The following CDC14C variants were observed in gnomAD, a reference collection of about 807,000 sequenced individuals.
The protein encoded by CDC14C is cell division cycle 14C, also known as dual specificity protein phosphatase CDC14C.
Under a neutral mutation model 26.9 loss-of-function variants are expected in CDC14C, and 19 were observed. That is an observed-to-expected ratio of 0.71 (90% confidence interval 0.49 to 1.04). The LOEUF (loss-of-function observed/expected upper bound fraction) is 1.04. Ranked by LOEUF, CDC14C falls within the 50% of genes least tolerant of loss-of-function variation. The pLI is 0.00. For synonymous variants in CDC14C, 185 were observed against 180.1 expected, an observed-to-expected ratio of 1.03 and a Z score of -0.22; for missense variants, 423 against 520.0, an observed-to-expected ratio of 0.81 and a Z score of 1.81.
chr7:48,925,773 T>C lies in CDC14C; in HGVS notation c.1101T>C (p.Val367=), dbSNP rs1328798436. 2.1e-6 allele frequency: 2 copies of C among 957,642 alleles called. No individual in the cohort carries two copies. The highest frequency in any genetic ancestry group is 1.7e-5 in the Admixed American group (1 of 59,204). The allele number at this position is 957,642 out of a possible 1,614,324, so 59.3% of individuals were successfully genotyped here. Residue 367 remains valine (V), a synonymous_variant, in exon 1 of 1, where the codon GTT becomes GTC. Transcript: ENST00000650262. ...RAAFSKLLSG[V]DDISINGVEN... ...CCTTCTCCAAACTTCTCTCTGGTGT[T>C]GATGACATTTCCATAAATGGGGTCG...
rs752467234 is a variant in CDC14C, at chr7:48,925,065, C to G, written c.393C>G (p.Pro131=). Residue 131 remains proline, a synonymous_variant, in exon 1 of 1, where the codon CCC becomes CCG. Transcript: ENST00000650262. The part of the protein sequence containing the change: ...AYRILIFGDT[P]YIPFRDAAYG... ...GAATATTAATCTTTGGAGATACACC[C>G]TATATTCCTTTCAGAGATGCTGCCT... 3.3e-6 allele frequency: 5 copies of G among 1,506,602 alleles called. No homozygotes were observed. In the African/African-American group the frequency reaches 6.9e-5, roughly 21 times the overall value. 93.3% of individuals were successfully genotyped at this position (1,506,602 alleles called of 1,614,324 possible).
In CDC14C at chr7:48,925,194, A is replaced by G; in HGVS notation, c.522A>G (p.Glu174=). ...FLNFNSFNLD[E]YEHYEKAENG... ...ATTTCAACTCATTTAACCTTGATGA[A>G]TATGAACACTATGAAAAAGCAGAAA... is the stretch of plus-strand genomic sequence containing the variant. The change falls in exon 1 of 1, where the codon GAA becomes GAG. Residue 174 remains glutamate, a synonymous_variant. Coordinates refer to ENST00000650262, the MANE Select transcript of CDC14C (RefSeq NM_152627.3). 6.4e-7 allele frequency: 1 copy of G among 1,552,110 alleles called. No homozygotes were observed. The highest frequency in any genetic ancestry group is 8.9e-7 in the Non-Finnish European group (1 of 1,123,518).
In CDC14C at chr7:48,925,148, C is replaced by A. The variant is rs924517349; in HGVS notation, c.476C>A (p.Ala159Glu). 14 of 1,532,348 alleles carry A rather than the reference C, an allele frequency of 9.1e-6. No individual in the cohort carries two copies. Among genetic ancestry groups the A allele is most frequent in the Non-Finnish European group, 1.2e-5 (13 of 1,105,740 alleles). 94.9% of individuals were successfully genotyped at this position (1,532,348 alleles called of 1,614,324 possible). A position where few individuals can be genotyped will look rare whatever the true frequency, so the allele number is the denominator to read the frequency against. ...LLDCFHAVKKAMQYGFLNFNS... is the reference protein window; with the variant it reads ...LLDCFHAVKKEMQYGFLNFNS... ...GACTGTTTTCATGCAGTAAAGAAGG[C>A]AATGCAGTATGGCTTCCTTAATTTC... The change falls in exon 1 of 1, where the codon GCA becomes GAA. Residue 159 changes from alanine to glutamate, a missense_variant. By Grantham distance (107) the Ala-to-Glu change is moderately radical (BLOSUM62 -1). This residue lies in a region of CDC14C where 310 missense variants were observed against 356.8 expected (regional missense o/e 0.87). Coordinates refer to ENST00000650262, the MANE Select transcript of CDC14C (RefSeq NM_152627.3).
At position 48,924,724 on chromosome 7, in the gene CDC14C, G is replaced by C; in HGVS notation, c.52G>C (p.Val18Leu). The C allele has an allele frequency of 7.3e-7, 1 of 1,362,274 alleles. No individual in the cohort carries two copies. The highest frequency in any genetic ancestry group is 1.2e-5 in the South Asian group (1 of 86,002). The allele number at this position is 1,362,274 out of a possible 1,614,324, so 84.4% of individuals were successfully genotyped here. Residue 18 changes from valine (V) to leucine (L), a missense_variant, in exon 1 of 1, where the codon GTG becomes CTG. By Grantham distance (32) the Val-to-Leu change is conservative. Coordinates refer to ENST00000650262, the MANE Select transcript of CDC14C (RefSeq NM_152627.3). The stretch of plus-strand genomic sequence containing the variant: ...GCGCCGCCGGGACCCCCAGGACGAC[G>C]TGTACGTGGACATCACCGATCGCCT... ...DPRRRDPQDD[V>L]YVDITDRLRF...
rs922186971 is a variant in CDC14C at position 48,924,605 on chromosome 7, G to C, written c.-68G>C. 2 of 872,842 alleles carry C rather than the reference G, an allele frequency of 2.3e-6. No individual in the cohort carries two copies. Among genetic ancestry groups the C allele is most frequent in the Non-Finnish European group, 3.5e-6 (2 of 567,504 alleles). 54.1% of individuals were successfully genotyped at this position (872,842 alleles called of 1,614,324 possible). ...TCCAGGAAGCGGAAAAGCAAGGGGCGGTCGAGCTGGGCCGCCGCGCCCCAC... is the reference window on the plus strand; with the variant it reads ...TCCAGGAAGCGGAAAAGCAAGGGGCCGTCGAGCTGGGCCGCCGCGCCCCAC... On this transcript the variant is annotated 5_prime_UTR_variant, in exon 1 of 1. Coordinates refer to ENST00000650262, the MANE Select transcript of CDC14C (RefSeq NM_152627.3).
At position 48,925,155 on chromosome 7, in the gene CDC14C, G is replaced by C; in HGVS notation, c.483G>C (p.Gln161His). 6.6e-7 allele frequency: 1 copy of C among 1,520,718 alleles called. No homozygotes were observed. Among genetic ancestry groups the C allele is most frequent in the South Asian group, 1.1e-5 (1 of 88,910 alleles). 94.2% of individuals were successfully genotyped at this position (1,520,718 alleles called of 1,614,324 possible). A position where few individuals can be genotyped will look rare whatever the true frequency, so the allele number is the denominator to read the frequency against. Residue 161 changes from glutamine (Q) to histidine (H), a missense_variant, in exon 1 of 1, where the codon CAG becomes CAC. By Grantham distance (24) the Gln-to-His change is conservative. This residue lies in a region of CDC14C where 310 missense variants were observed against 356.8 expected (regional missense o/e 0.87). Coordinates refer to ENST00000650262, the MANE Select transcript of CDC14C (RefSeq NM_152627.3). The stretch of plus-strand genomic sequence containing the variant: ...TTCATGCAGTAAAGAAGGCAATGCA[G>C]TATGGCTTCCTTAATTTCAACTCAT... ...DCFHAVKKAM[Q>H]YGFLNFNSFN...
rs748932085 is a variant in CDC14C, at chr7:48,924,766, T to C, written c.94T>C (p.Tyr32His). ...CGATCGCCTTCGTTTTGCCATTCTC[T>C]ACAGCAGACCAAAGAGTGCATCAAA... ...ITDRLRFAIL[Y>H]SRPKSASNVH... Residue 32 changes from tyrosine to histidine, a missense_variant, in exon 1 of 1, where the codon TAC (tyrosine) becomes CAC (histidine). Physicochemically the swap from Tyr to His is moderately conservative, Grantham distance 83. Coordinates refer to ENST00000650262, the MANE Select transcript of CDC14C (RefSeq NM_152627.3). 4.2e-6 allele frequency: 6 copies of C among 1,435,274 alleles called. No homozygotes were observed. Among genetic ancestry groups the C allele is most frequent in the Admixed American group, 3.3e-5 (2 of 59,768 alleles). 88.9% of individuals were successfully genotyped at this position (1,435,274 alleles called of 1,614,324 possible).
In CDC14C at chr7:48,925,175, A is replaced by G; in HGVS notation, c.503A>G (p.Asn168Ser). 2 of 1,532,052 alleles carry G rather than the reference A, an allele frequency of 1.3e-6. No individual in the cohort carries two copies. The highest frequency in any genetic ancestry group is 9.0e-7 in the Non-Finnish European group (1 of 1,105,354). The allele number at this position is 1,532,052 out of a possible 1,614,324, so 94.9% of individuals were successfully genotyped here. ...KAMQYGFLNFNSFNLDEYEHY... is the reference protein window; with the variant it reads ...KAMQYGFLNFSSFNLDEYEHY... The stretch of plus-strand genomic sequence containing the variant: ...ATGCAGTATGGCTTCCTTAATTTCA[A>G]CTCATTTAACCTTGATGAATATGAA... The change falls in exon 1 of 1, where the codon AAC (asparagine) becomes AGC (serine). Residue 168 changes from asparagine to serine, a missense_variant. Asn to Ser is a conservative substitution (Grantham distance 46). Coordinates refer to ENST00000650262, the MANE Select transcript of CDC14C (RefSeq NM_152627.3).
rs757586733 is a variant in CDC14C, at chr7:48,925,697, A to G, written c.1025A>G (p.Asp342Gly). Residue 342 changes from aspartate (D) to glycine (G), a missense_variant, in exon 1 of 1, where the codon GAC becomes GGC. Transcript: ENST00000650262. ...MKQTSLWLEG[D>G]YFRQRLKGQE... Reference sequence around the variant, plus strand: ...CAAACAAGCCTCTGGCTGGAAGGGGACTATTTTCGTCAGAGGTTAAAGGGG... The same window carrying G: ...CAAACAAGCCTCTGGCTGGAAGGGGGCTATTTTCGTCAGAGGTTAAAGGGG... 2 of 1,293,004 alleles carry G rather than the reference A, an allele frequency of 1.5e-6. No homozygotes were observed. Among genetic ancestry groups the G allele is most frequent in the East Asian group, 2.3e-5 (1 of 43,344 alleles). 80.1% of individuals were successfully genotyped at this position (1,293,004 alleles called of 1,614,324 possible). A position where few individuals can be genotyped will look rare whatever the true frequency, so the allele number is the denominator to read the frequency against.
rs1002828872 is a variant in CDC14C at position 48,924,571 on chromosome 7, G to C, written c.-102G>C. On this transcript the variant is annotated 5_prime_UTR_variant, in exon 1 of 1. Transcript: ENST00000650262. ...CGTGGTCGTTGCTCCCTGACTGGCCGCGGCGGCCTCCAGGAAGCGGAAAAG... is the reference window on the plus strand; with the variant it reads ...CGTGGTCGTTGCTCCCTGACTGGCCCCGGCGGCCTCCAGGAAGCGGAAAAG... 2.7e-6 allele frequency: 2 copies of C among 741,480 alleles called. No individual in the cohort carries two copies. Among genetic ancestry groups the C allele is most frequent in the East Asian group, 2.7e-5 (1 of 37,358 alleles). 45.9% of individuals were successfully genotyped at this position (741,480 alleles called of 1,614,324 possible). A position where few individuals can be genotyped will look rare whatever the true frequency, so the allele number is the denominator to read the frequency against.
Position 48,926,791 on chromosome 7 carries a change from T to C in CDC14C, c.*775T>C, listed in dbSNP as rs1448145105. Among the ~76,000 whole-genome samples, 1 of 146,056 alleles carries C rather than the reference T, an allele frequency of 6.8e-6. No individual in the cohort carries two copies. Among genetic ancestry groups the C allele is most frequent in the Non-Finnish European group, 1.5e-5 (1 of 66,410 alleles). On this transcript the variant is annotated 3_prime_UTR_variant, in exon 1 of 1. Transcript: ENST00000650262. ...TTTGGGGCCAGTTTATGGCTGGATT[T>C]TGGGGGGCTTGCTCCCAAAAAGAAT...
Position 48,925,757 on chromosome 7 carries a change from A to C in CDC14C, c.1085A>C (p.Lys362Thr), listed in dbSNP as rs764084626. Residue 362 changes from lysine (K) to threonine (T), a missense_variant, in exon 1 of 1, where the codon AAA becomes ACA. Coordinates refer to ENST00000650262, the MANE Select transcript of CDC14C (RefSeq NM_152627.3). ...GGACAACACAGAGCAGCCTTCTCCA[A>C]ACTTCTCTCTGGTGTTGATGACATT... Reference protein sequence around the residue: ...ENGQHRAAFSKLLSGVDDISI... With the variant: ...ENGQHRAAFSTLLSGVDDISI... 1.1e-5 allele frequency: 11 copies of C among 1,024,610 alleles called. No individual in the cohort carries two copies. The African/African-American group carries it at 1.3e-4, about 12-fold the overall frequency. 63.5% of individuals were successfully genotyped at this position (1,024,610 alleles called of 1,614,324 possible). A position where few individuals can be genotyped will look rare whatever the true frequency, so the allele number is the denominator to read the frequency against.
Position 48,925,023 on chromosome 7 carries a change from C to A in CDC14C, c.351C>A (p.Thr117=), listed in dbSNP as rs746272818. 1 of 1,397,136 alleles carries A rather than the reference C, an allele frequency of 7.2e-7. No individual in the cohort carries two copies. The highest frequency in any genetic ancestry group is 1.2e-5 in the South Asian group (1 of 86,506). 86.5% of individuals were successfully genotyped at this position (1,397,136 alleles called of 1,614,324 possible). ...GCYMVIYLGR[T]PEAAYRILIF... The stretch of plus-strand genomic sequence containing the variant: ...ACATGGTTATATACTTGGGGAGAAC[C>A]CCAGAAGCAGCATATAGAATATTAA... The change falls in exon 1 of 1, where the codon ACC becomes ACA. Residue 117 remains threonine (T), a synonymous_variant. Coordinates refer to ENST00000650262, the MANE Select transcript of CDC14C (RefSeq NM_152627.3).
Position 48,925,232 on chromosome 7 carries a change from A to C in CDC14C, c.560A>C (p.Asn187Thr). The C allele has an allele frequency of 6.2e-7, 1 of 1,606,934 alleles. No homozygotes were observed. The highest frequency in any genetic ancestry group is 1.3e-5 in the African/African-American group (1 of 74,926). The change falls in exon 1 of 1, where the codon AAT becomes ACT. Residue 187 changes from asparagine (N) to threonine (T), a missense_variant. By Grantham distance (65) the Asn-to-Thr change is moderately conservative (BLOSUM62 0). Around this residue, in one of 3 missense-constraint regions of CDC14C, gnomAD observed 310 missense variants for 356.8 expected, o/e 0.87. Transcript: ENST00000650262. ...HYEKAENGDL[N>T]WIIPDRFIAF... ...GAAAAAGCAGAAAACGGAGATTTAA[A>C]TTGGATAATACCAGACCGATTTATT...
Position 48,924,949 on chromosome 7 carries a change from G to A in CDC14C, c.277G>A (p.Gly93Ser). ...AAGGAAGAAAATTGTTCATTTTACTGGCTCTGATCAGAGAAAACAAGCAAA... is the reference window on the plus strand; with the variant it reads ...AAGGAAGAAAATTGTTCATTTTACTAGCTCTGATCAGAGAAAACAAGCAAA... The part of the protein sequence containing the change: ...MLRKKIVHFT[G>S]SDQRKQANAA... The change falls in exon 1 of 1, where the codon GGC (glycine) becomes AGC (serine). Residue 93 changes from glycine (G) to serine (S), a missense_variant. Around this residue, in one of 3 missense-constraint regions of CDC14C, gnomAD observed 310 missense variants for 356.8 expected, o/e 0.87. Coordinates refer to ENST00000650262, the MANE Select transcript of CDC14C (RefSeq NM_152627.3). The A allele has an allele frequency of 1.4e-6, 2 of 1,472,344 alleles. No homozygotes were observed. The highest frequency in any genetic ancestry group is 2.3e-5 in the South Asian group (2 of 88,162). The allele number at this position is 1,472,344 out of a possible 1,614,324, so 91.2% of individuals were successfully genotyped here. A position where few individuals can be genotyped will look rare whatever the true frequency, so the allele number is the denominator to read the frequency against.
chr7:48,926,186 A>G lies in CDC14C; in HGVS notation c.*170A>G, dbSNP rs370688587. 1.4e-5 allele frequency among the ~76,000 whole-genome samples: 2 copies of G among 147,864 alleles called. No individual in the cohort carries two copies. Among genetic ancestry groups the G allele is most frequent in the South Asian group, 4.5e-4 (2 of 4,486 alleles). ...AGAAATTAGCACAATTTGAAAACAA[A>G]ACAAAATTGCAAAAGACTTAGTTGC... On this transcript the variant is annotated 3_prime_UTR_variant, in exon 1 of 1. Transcript: ENST00000650262.
rs1251383780 is a variant in CDC14C at position 48,926,603 on chromosome 7, T to C, written c.*587T>C. 2.6e-5 allele frequency among the ~76,000 whole-genome samples: 4 copies of C among 152,064 alleles called. No individual in the cohort carries two copies. The highest frequency in any genetic ancestry group is 4.4e-5 in the Non-Finnish European group (3 of 68,012). On this transcript the variant is annotated 3_prime_UTR_variant, in exon 1 of 1. Transcript: ENST00000650262. ...TCCTTAAGGCACAGATGGCTCATGC[T>C]ATTGTTTGTGGCTTAAGAATGCCTT... is the stretch of plus-strand genomic sequence containing the variant.
At position 48,924,571 on chromosome 7, in the gene CDC14C, G is replaced by A. The variant is rs1002828872; in HGVS notation, c.-102G>A. 1.1e-5 allele frequency: 8 copies of A among 741,480 alleles called. No homozygotes were observed. Among genetic ancestry groups the A allele is most frequent in the East Asian group, 2.7e-5 (1 of 37,358 alleles). The allele number at this position is 741,480 out of a possible 1,614,324, so 45.9% of individuals were successfully genotyped here. ...CGTGGTCGTTGCTCCCTGACTGGCC[G>A]CGGCGGCCTCCAGGAAGCGGAAAAG... On this transcript the variant is annotated 5_prime_UTR_variant, in exon 1 of 1. Coordinates refer to ENST00000650262, the MANE Select transcript of CDC14C (RefSeq NM_152627.3).
rs1395496231 is a variant in CDC14C, at chr7:48,924,866, CAATGGTTTACAGA to C, written c.195_207del (p.Met66IlefsTer5). 1 of 1,458,146 alleles carries C rather than the reference CAATGGTTTACAGA, an allele frequency of 6.9e-7. No homozygotes were observed. Among genetic ancestry groups the C allele is most frequent in the South Asian group, 1.1e-5 (1 of 87,774 alleles). The allele number at this position is 1,458,146 out of a possible 1,614,324, so 90.3% of individuals were successfully genotyped here. A position where few individuals can be genotyped will look rare whatever the true frequency, so the allele number is the denominator to read the frequency against. ...GAAGACTTTGGACCACTCAATCTGG[CAATGGTTTACAGA>C]TATTGTTGCAAGATAAATAAGAAAT... is the stretch of plus-strand genomic sequence containing the variant. On this transcript the variant is annotated frameshift_variant, in exon 1 of 1. Transcript: ENST00000650262. LOFTEE classifies it high-confidence loss of function.
Sources: gnomAD v4.1 joint callset for allele counts (sites outside exome capture counted in the v4.1 genomes callset) on GRCh38, gnomAD v4.1.1 for gene constraint, gnomAD v4.1.1 regional missense constraint, MANE v1.5 for transcripts, NCBI Gene and HGNC (gene_info 2026-07-23, HGNC 2026-07-21) for gene names.